The following GAS2 variants were observed in gnomAD, a reference collection of about 807,000 sequenced individuals.
The protein encoded by GAS2 is growth arrest specific 2, also known as growth arrest-specific protein 2.
GAS2 carries 20 observed loss-of-function variants against 37.5 expected under a neutral mutation model. The observed-to-expected ratio is 0.53, with a 90% CI of 0.37 to 0.77. The LOEUF (loss-of-function observed/expected upper bound fraction) is 0.77. GAS2 is among the 30% of genes least tolerant of loss of function. GAS2 has a pLI of 0.00. For missense variants in GAS2, 336 were observed against 373.4 expected (o/e 0.90, Z 0.82); for synonymous variants, 144 against 132.2 (o/e 1.09, Z -0.61).
At chr11:22,747,417 A>G (rs1453034049) in intron 5 of GAS2, among the ~76,000 whole-genome samples, 1 of 152,120 alleles carries the variant, frequency 6.6e-6, no homozygotes, top group African/African-American at 2.4e-5. Context: ...TTAGCAAGTG[A>G]TATCTATGTA....
At chr11:22,732,962 A>T (rs1208020011) in intron 4 of GAS2, among the ~76,000 whole-genome samples, 1 of 151,752 alleles carries the variant, frequency 6.6e-6, no homozygotes, top group Non-Finnish European at 1.5e-5. Context: ...ACTTTAGTGT[A>T]TATACACATC....
intron 4 of GAS2, among the ~76,000 whole-genome samples, chr11:22,736,953 A>T (rs1340079332): frequency 6.6e-6 from 1 of 152,096 alleles, no homozygotes. Context: ...AGCAAGTATG[A>T]TTTGTCACAT....
chr11:22,771,067 G>A (rs1854952677), intron 7 of GAS2, among the ~76,000 whole-genome samples: 1 of 151,932 alleles, frequency 6.6e-6, no homozygotes, highest in African/African-American at 2.4e-5. Context: ...GGGAAGTTGG[G>A]CACTCAGAAG....
chr11:22,687,060 C>T (rs1274410273), intron 3 of GAS2, among the ~76,000 whole-genome samples: 1 of 152,022 alleles, frequency 6.6e-6, no homozygotes, highest in South Asian at 2.1e-4. Context: ...TGTGGTGGCT[C>T]GTGACTGTAA....
intron 7 of GAS2, among the ~76,000 whole-genome samples, chr11:22,784,036 G>T (rs1331142921): frequency 6.6e-6 from 1 of 152,076 alleles, no homozygotes; most frequent in African/African-American, 2.4e-5. Context: ...ATGCTGTTTT[G>T]GTTACTGTAG....
chr11:22,667,090 T>G (rs1455614067), intron 1 of GAS2, 191 bp downstream of exon 1: 1 of 152,270 alleles, frequency 6.6e-6, no homozygotes, highest in African/African-American at 2.4e-5. Flanking sequence ...GACAGGCTCT[T>G]TCTCTAAGAG....
Position 22,645,045 on chromosome 11 carries a change from T to C in GAS2, c.-21+19232T>C, listed in dbSNP as rs563582462. ...AGGAGAAGTACACAACGGAGCAATA[T>C]CATTGTTACCAGGATGATGGTTGTA... On this transcript the variant is annotated intron_variant, in intron 1 of 5. Coordinates refer to the GAS2 transcript ENST00000528582. 9.8e-5 allele frequency among the ~76,000 whole-genome samples: 15 copies of C among 152,300 alleles called. No homozygotes were observed. The South Asian group carries it at 3.1e-3, about 32-fold the overall frequency.
intron 3 of GAS2, among the ~76,000 whole-genome samples, chr11:22,687,916 A>C (rs1227714899): frequency 6.6e-6 from 1 of 152,216 alleles, no homozygotes; most frequent in Admixed American, 6.5e-5. Context: ...CGAATGCCTC[A>C]GTGTAAAGAA....
intron 3 of GAS2, among the ~76,000 whole-genome samples, chr11:22,724,724 A>T (rs1283345009): frequency 6.6e-6 from 1 of 152,094 alleles, no homozygotes; most frequent in Non-Finnish European, 1.5e-5. Flanking sequence ...AACTTTGATT[A>T]TATCTATCCT....
chr11:22,744,920 G>A (rs1266320658), intron 5 of GAS2, among the ~76,000 whole-genome samples: 4 of 152,036 alleles, frequency 2.6e-5, no homozygotes, highest in Admixed American at 2.0e-4. Context: ...TCTAACTAGA[G>A]AAGTGAAAGA....
intron 6 of GAS2, 23 bp from the exon 7 acceptor site, chr11:22,755,823 A>T (rs1214345106): frequency 6.4e-7 from 1 of 1,558,980 alleles, no homozygotes; most frequent in East Asian, 2.2e-5. Context: ...AGACAAATGA[A>T]TGTGCCTGCT....
chr11:22,652,528 C>G (rs932890087), intron 1 of GAS2, among the ~76,000 whole-genome samples: 1 of 152,202 alleles, frequency 6.6e-6, no homozygotes, highest in Non-Finnish European at 1.5e-5. Flanking sequence ...GCCTGGCTGC[C>G]GCCTTGCAGT....
At chr11:22,703,963 G>T (rs901429825) in intron 3 of GAS2, among the ~76,000 whole-genome samples, 5 of 152,168 alleles carry the variant, frequency 3.3e-5, no homozygotes, top group Non-Finnish European at 7.3e-5. Context: ...AATAAAAAAT[G>T]TGGTAATTTG....
intron 7 of GAS2, among the ~76,000 whole-genome samples, chr11:22,790,448 A>G (rs901939340): frequency 2.0e-5 from 3 of 152,158 alleles, no homozygotes; most frequent in Non-Finnish European, 4.4e-5. Context: ...CCTCAGATGG[A>G]AAGCATTTTT....
chr11:22,671,535 T>C (rs1007676434), intron 1 of GAS2, among the ~76,000 whole-genome samples: 1 of 152,110 alleles, frequency 6.6e-6, no homozygotes, highest in Non-Finnish European at 1.5e-5. Flanking sequence ...CCTACTGCTT[T>C]CTTCAAGTCT....
At position 22,742,262 on chromosome 11, in the gene GAS2, C is replaced by A. The variant is rs149747124; in HGVS notation, c.473+4494C>A. 5.3e-3 allele frequency among the ~76,000 whole-genome samples: 808 copies of A among 152,134 alleles called. 3 individuals carry two copies. Among genetic ancestry groups the A allele is most frequent in the African/African-American group, 0.019 (770 of 41,496 alleles). Reference sequence around the variant, plus strand: ...GTGTGACCCTTAATTAGTTTGAGAACAACAGCTACCCCATTCTAAAACTCT... The same window carrying A: ...GTGTGACCCTTAATTAGTTTGAGAAAAACAGCTACCCCATTCTAAAACTCT... On this transcript the variant is annotated intron_variant, in intron 5 of 7. Coordinates refer to ENST00000454584, the MANE Select transcript of GAS2 (RefSeq NM_001143830.3).
intron 6 of GAS2, among the ~76,000 whole-genome samples, chr11:22,751,887 C>T (rs1257700277): frequency 2.0e-5 from 3 of 151,938 alleles, no homozygotes; most frequent in Non-Finnish European, 4.4e-5. Flanking sequence ...TGGTGGTTCT[C>T]CCCTACTCCC....
chr11:22,753,098 G>C (rs962962100), intron 6 of GAS2, among the ~76,000 whole-genome samples: 1 of 152,042 alleles, frequency 6.6e-6, no homozygotes, highest in Non-Finnish European at 1.5e-5. Context: ...TCCTCAGTCT[G>C]GGGATGAGAG....
chr11:22,726,922 A>C (rs1852245656), intron 4 of GAS2, among the ~76,000 whole-genome samples: 1 of 152,098 alleles, frequency 6.6e-6, no homozygotes, highest in Admixed American at 6.6e-5. Flanking sequence ...TTTTTTAGTG[A>C]GTTAAAAATC....
Sources: gnomAD v4.1 joint callset for allele counts (sites outside exome capture counted in the v4.1 genomes callset) on GRCh38, gnomAD v4.1.1 for gene constraint, MANE v1.5 for transcripts, NCBI Gene and HGNC (gene_info 2026-07-23, HGNC 2026-07-21) for gene names.